ST18: variants seen among roughly 807,000 people sequenced by gnomAD.
The protein encoded by ST18 is suppression of tumorigenicity 18 protein.
Under a neutral mutation model 110.0 loss-of-function variants are expected in ST18, and 50 were observed. The ratio of observed to expected loss-of-function variants is 0.45; its 90% CI spans 0.36 to 0.58. ST18 has a LOEUF of 0.58. Ranked by LOEUF, ST18 falls within the 20% of genes least tolerant of loss-of-function variation. The pLI, the probability that ST18 is intolerant of heterozygous loss-of-function variation, is 0.00. For missense variants in ST18, 1,306 were observed against 1,280.1 expected (o/e 1.02, Z -0.31); for synonymous variants, 461 against 452.4 (o/e 1.02, Z -0.24).
intron 2 of ST18, among the ~76,000 whole-genome samples, chr8:52,377,669 C>T (rs1832922626): frequency 6.6e-6 from 1 of 152,176 alleles, no homozygotes; most frequent in Non-Finnish European, 1.5e-5. Flanking sequence ...TAAATTAGTA[C>T]AACCACTATG....
At chr8:52,267,166 G>A (rs1394946373) in intron 2 of ST18, among the ~76,000 whole-genome samples, 2 of 152,050 alleles carry the variant, frequency 1.3e-5, no homozygotes, top group African/African-American at 2.4e-5. Context: ...ATGACAGTGG[G>A]GATGAACCCT....
intron 2 of ST18, among the ~76,000 whole-genome samples, chr8:52,257,158 T>C (rs1243575202): frequency 2.0e-5 from 3 of 152,246 alleles, no homozygotes; most frequent in African/African-American, 7.2e-5. Flanking sequence ...GTATTACTGA[T>C]TAATATTCTA....
At chr8:52,188,927 G>C (rs935051715) in intron 8 of ST18, among the ~76,000 whole-genome samples, 1 of 152,162 alleles carries the variant, frequency 6.6e-6, no homozygotes, top group African/African-American at 2.4e-5. Context: ...GGATTCACAA[G>C]GGTTGGAGAT....
At chr8:52,247,965 A>G (rs1218470234) in intron 2 of ST18, among the ~76,000 whole-genome samples, 1 of 152,202 alleles carries the variant, frequency 6.6e-6, no homozygotes, top group Non-Finnish European at 1.5e-5. Context: ...AGTTGGTAAT[A>G]TACAACATAC....
chr8:52,280,039 G>C (rs1240147111), intron 2 of ST18, among the ~76,000 whole-genome samples: 1 of 152,134 alleles, frequency 6.6e-6, no homozygotes, highest in Non-Finnish European at 1.5e-5. Context: ...ACAGGAGACA[G>C]GAGGGTGGGT....
At chr8:52,297,555 G>A (rs1030347771) in intron 2 of ST18, among the ~76,000 whole-genome samples, 1 of 152,100 alleles carries the variant, frequency 6.6e-6, no homozygotes, top group African/African-American at 2.4e-5. Context: ...CAGGACTAAG[G>A]TAAAATCAAT....
intron 3 of ST18, among the ~76,000 whole-genome samples, chr8:52,223,469 C>A (rs1588833135): frequency 6.6e-6 from 1 of 152,000 alleles, no homozygotes; most frequent in South Asian, 2.1e-4. Context: ...CATGGTGAAA[C>A]CCTGTCTCTA....
In ST18 at chr8:52,161,512, G is replaced by A. The variant is rs746383390; in HGVS notation, c.1457C>T (p.Pro486Leu). 2 of 1,614,078 alleles carry A rather than the reference G, an allele frequency of 1.2e-6. No individual in the cohort carries two copies. Among genetic ancestry groups the A allele is most frequent in the East Asian group, 4.5e-5 (2 of 44,900 alleles). The change falls in exon 14 of 26, where the codon CCC becomes CTC. Residue 486 changes from proline (P) to leucine (L), a missense_variant. Coordinates refer to ENST00000689386, the MANE Select transcript of ST18 (RefSeq NM_001352837.2). ...FNFPSQAITS[P>L]RATVSKEQEK... ...TTGTTCTTTTGACACTGTGGCTCTG[G>A]GAGAGGTGATGGCTTGTGACGGGAA...
chr8:52,320,669 G>A (rs150763397), intron 2 of ST18, among the ~76,000 whole-genome samples: 7 of 152,224 alleles, frequency 4.6e-5, no homozygotes, highest in East Asian at 3.9e-4. Flanking sequence ...CTATCAGATC[G>A]GCAAACATTA....
At chr8:52,187,179 A>G (rs1563946194) in intron 8 of ST18, among the ~76,000 whole-genome samples, 1 of 152,352 alleles carries the variant, frequency 6.6e-6, no homozygotes, top group East Asian at 1.9e-4. Context: ...TAGGTTCTAA[A>G]CCCAATAGAG....
At chr8:52,369,295 T>C (rs748176020) in intron 2 of ST18, among the ~76,000 whole-genome samples, 4 of 152,220 alleles carry the variant, frequency 2.6e-5, no homozygotes, top group Admixed American at 6.5e-5. Context: ...TTGTAATTAG[T>C]TGTGGTCCTG....
At chr8:52,178,895 T>C (rs2068187445) in intron 9 of ST18, among the ~76,000 whole-genome samples, 1 of 152,128 alleles carries the variant, frequency 6.6e-6, no homozygotes, top group African/African-American at 2.4e-5. Flanking sequence ...CCAGTATTAC[T>C]GGATCTAGGA....
At chr8:52,243,786 A>T (rs924659399) in intron 2 of ST18, among the ~76,000 whole-genome samples, 2 of 152,150 alleles carry the variant, frequency 1.3e-5, no homozygotes, top group Admixed American at 6.6e-5. Flanking sequence ...TTGGTACCAC[A>T]AGTTCTTTTT....
At chr8:52,146,465 C>T (rs574109662) in intron 16 of ST18, among the ~76,000 whole-genome samples, 1 of 151,474 alleles carries the variant, frequency 6.6e-6, no homozygotes, top group East Asian at 1.9e-4. Flanking sequence ...TCCTCATTTA[C>T]CTTCTTCTCT....
chr8:52,143,819 C>T (rs943943807), intron 16 of ST18, among the ~76,000 whole-genome samples: 9 of 152,238 alleles, frequency 5.9e-5, no homozygotes, highest in South Asian at 4.1e-4. Flanking sequence ...TTTTGGTTAA[C>T]GGAATGCCCT....
intron 2 of ST18, among the ~76,000 whole-genome samples, chr8:52,340,436 G>A (rs186715243): frequency 2.8e-4 from 43 of 152,312 alleles, no homozygotes; most frequent in Admixed American, 2.7e-3. Flanking sequence ...CCTGGATCCA[G>A]TGCAGGAAAC....
intron 9 of ST18, among the ~76,000 whole-genome samples, chr8:52,179,435 G>T (rs1179763513): frequency 6.6e-6 from 1 of 152,134 alleles, no homozygotes; most frequent in East Asian, 1.9e-4. Context: ...ACTTATTTTT[G>T]AAATAATGGG....
At chr8:52,317,329 C>T (rs1487714011) in intron 2 of ST18, among the ~76,000 whole-genome samples, 1 of 152,114 alleles carries the variant, frequency 6.6e-6, no homozygotes, top group Non-Finnish European at 1.5e-5. Context: ...AAGGGGAAGG[C>T]CGTGTGAATG....
chr8:52,142,581 T>C (rs1005144855), intron 17 of ST18, among the ~76,000 whole-genome samples: 1 of 152,176 alleles, frequency 6.6e-6, no homozygotes, highest in Non-Finnish European at 1.5e-5. Context: ...GAAAATGTGA[T>C]GAAAACCAAT....
Sources: gnomAD v4.1 joint callset for allele counts (sites outside exome capture counted in the v4.1 genomes callset) on GRCh38, gnomAD v4.1.1 for gene constraint, MANE v1.5 for transcripts, NCBI Gene and HGNC (gene_info 2026-07-23, HGNC 2026-07-21) for gene names.